The following PGR variants were observed in gnomAD, a reference collection of about 807,000 sequenced individuals.
The protein encoded by PGR is progesterone receptor, also known as nuclear receptor subfamily 3 group C member 3.
In PGR, 25 loss-of-function variants were observed where a neutral mutation model predicts 76.1. That is an observed-to-expected ratio of 0.33 (90% CI 0.24 to 0.46). The LOEUF is 0.46. PGR is among the 20% of genes least tolerant of loss of function. The pLI is 1.00. For missense variants in PGR, 1,172 were observed against 1,225.3 expected, an observed-to-expected ratio of 0.96 and a Z score of 0.65; for synonymous variants, 579 against 535.0, an observed-to-expected ratio of 1.08 and a Z score of -1.14.
chr11:101,043,009 G>A (rs1859744763), intron 6 of PGR, among the ~76,000 whole-genome samples: 1 of 152,074 alleles, frequency 6.6e-6, no homozygotes, highest in African/African-American at 2.4e-5. Flanking sequence ...TGAAGGTTGG[G>A]GTGGCTATGA....
chr11:101,116,408 A>G (rs1862509118), intron 2 of PGR, among the ~76,000 whole-genome samples: 1 of 152,200 alleles, frequency 6.6e-6, no homozygotes, highest in African/African-American at 2.4e-5. Flanking sequence ...TCAGGCACCA[A>G]GTTGGTGTGT....
At chr11:101,079,309 C>A (rs1227756797) in intron 3 of PGR, among the ~76,000 whole-genome samples, 1 of 151,382 alleles carries the variant, frequency 6.6e-6, no homozygotes, top group Non-Finnish European at 1.5e-5. Flanking sequence ...TTCCGCACAG[C>A]AAAGGAAATA....
At chr11:101,092,407 TA>T (rs988341155) in intron 2 of PGR, among the ~76,000 whole-genome samples, 1 of 152,226 alleles carries the variant, frequency 6.6e-6, no homozygotes, top group East Asian at 1.9e-4. Context: ...GAAGAGCATG[TA>T]AAAAAGATCA....
rs776682263 is a variant in PGR at position 101,127,662 on chromosome 11, G to A, written c.1409C>T (p.Pro470Leu). 21 of 1,531,778 alleles carry A rather than the reference G, an allele frequency of 1.4e-5. No individual in the cohort carries two copies. Among genetic ancestry groups the A allele is most frequent in the Non-Finnish European group, 1.6e-5 (18 of 1,147,112 alleles). The allele number at this position is 1,531,778 out of a possible 1,614,324, so 94.9% of individuals were successfully genotyped here. A position where few individuals can be genotyped will look rare whatever the true frequency, so the allele number is the denominator to read the frequency against. Residue 470 changes from proline to leucine, a missense_variant, in exon 1 of 8, where the codon CCC becomes CTC. Pro to Leu is a moderately conservative substitution (Grantham distance 98, BLOSUM62 -3). Transcript: ENST00000325455. ...CGGCGGCGCGAACGGGCCCTGCTGG[G>A]GCGGCGCGCCCTCCGCTTTGTACAG... ...CILYKAEGAP[P>L]QQGPFAPPPC... is the part of the protein sequence containing the mutation.
chr11:101,095,516 T>G lies in PGR; in HGVS notation c.1790-3640A>C, dbSNP rs11571174. Among the ~76,000 whole-genome samples the G allele has an allele frequency of 9.6e-4, 147 of 152,364 alleles. 2 individuals are homozygous for G. Among genetic ancestry groups the G allele is most frequent in the African/African-American group, 3.4e-3 (143 of 41,596 alleles). On this transcript the variant is annotated intron_variant, in intron 2 of 7. Transcript: ENST00000325455. ...CTTTGGAGGTATTAATATTCTCATT[T>G]TATACAGAGTTAACTGAGGCATCTA...
At chr11:101,119,026 G>C (rs1425345980) in intron 2 of PGR, among the ~76,000 whole-genome samples, 1 of 152,170 alleles carries the variant, frequency 6.6e-6, no homozygotes, top group Non-Finnish European at 1.5e-5. Context: ...TTCTACCACA[G>C]ATCATCAGGT....
At chr11:101,040,405 T>C (rs528376964) in intron 7 of PGR, among the ~76,000 whole-genome samples, 1 of 152,176 alleles carries the variant, frequency 6.6e-6, no homozygotes, top group Admixed American at 6.6e-5. Flanking sequence ...CCATGTTTTG[T>C]TATAAGACAT....
rs1348448296 is a variant in PGR, at chr11:101,062,798, C to T, written c.1907-46G>A. 1.2e-5 allele frequency: 15 copies of T among 1,287,352 alleles called. No homozygotes were observed. The East Asian group carries it at 3.5e-4, about 30-fold the overall frequency. The allele number at this position is 1,287,352 out of a possible 1,614,324, so 79.7% of individuals were successfully genotyped here. ...AAATTCATGTAAATATATATAAACT[C>T]CATATCCCAGTATAGTATTATTTTT... On this transcript the variant is annotated intron_variant, in intron 3 of 7. Transcript: ENST00000325455.
intron 6 of PGR, 69 bp from the exon 7 acceptor site, chr11:101,042,171 T>C: frequency 6.7e-7 from 1 of 1,499,420 alleles, no homozygotes; most frequent in East Asian, 2.3e-5. Flanking sequence ...ATAACATATA[T>C]TTCTGAGCTA....
At chr11:101,094,278 A>G (rs1565355497) in intron 2 of PGR, among the ~76,000 whole-genome samples, 1 of 152,174 alleles carries the variant, frequency 6.6e-6, no homozygotes, top group African/African-American at 2.4e-5. Flanking sequence ...TTTGACTTGT[A>G]TATTCACTAT....
intron 2 of PGR, among the ~76,000 whole-genome samples, chr11:101,111,626 G>A (rs1862346158): frequency 6.6e-6 from 1 of 152,144 alleles, no homozygotes; most frequent in African/African-American, 2.4e-5. Context: ...GGGGCGAGGT[G>A]CAGAAATCAT....
intron 5 of PGR, chr11:101,050,925 C>A: frequency 4.0e-6 from 1 of 249,270 alleles, no homozygotes; most frequent in East Asian, 1.4e-4. Context: ...TCAGCATTTA[C>A]CACTAGAACA....
chr11:101,071,275 A>G (rs1415133340), intron 3 of PGR, among the ~76,000 whole-genome samples: 3 of 152,226 alleles, frequency 2.0e-5, no homozygotes, highest in South Asian at 2.1e-4. Context: ...AAGGAATAGC[A>G]TCAACATCAA....
rs1484122114 is a variant in PGR at position 101,121,990 on chromosome 11, T to TA, written c.1789+4016dup. Among the ~76,000 whole-genome samples, 9 of 151,694 alleles carry TA rather than the reference T, an allele frequency of 5.9e-5. No individual in the cohort carries two copies. In the East Asian group the frequency reaches 1.6e-3, roughly 26 times the overall value. On this transcript the variant is annotated intron_variant, in intron 2 of 7. Coordinates refer to ENST00000325455, the MANE Select transcript of PGR (RefSeq NM_000926.4). ...GACCATGGTGAAACCCCATCTCTAC[T>TA]AAAAAATACAAAAAATTAGCCAGGC...
In PGR at chr11:101,035,100, C is replaced by T; in HGVS notation, c.*4016G>A. ...TAAGAGATGTAGAAATTTCCCACAT[C>T]CAATGGCTATTGAACAGGCATACTT... On this transcript the variant is annotated 3_prime_UTR_variant, in exon 8 of 8. Coordinates refer to ENST00000325455, the MANE Select transcript of PGR (RefSeq NM_000926.4). 4.8e-6 allele frequency: 1 copy of T among 208,884 alleles called. No homozygotes were observed. Among genetic ancestry groups the T allele is most frequent in the Non-Finnish European group, 9.7e-6 (1 of 102,616 alleles). 12.9% of individuals were successfully genotyped at this position (208,884 alleles called of 1,614,324 possible).
chr11:101,083,479 T>C (rs996117886), intron 3 of PGR, among the ~76,000 whole-genome samples: 2 of 152,162 alleles, frequency 1.3e-5, no homozygotes, highest in Non-Finnish European at 1.5e-5. Context: ...ACAGCTTGCA[T>C]TGTGTGCCTG....
chr11:101,037,917 T>G lies in PGR; in HGVS notation c.*1199A>C, dbSNP rs2135374064. 1 of 213,138 alleles carries G rather than the reference T, an allele frequency of 4.7e-6. No homozygotes were observed. The highest frequency in any genetic ancestry group is 9.5e-6 in the Non-Finnish European group (1 of 105,138). The allele number at this position is 213,138 out of a possible 1,614,324, so 13.2% of individuals were successfully genotyped here. ...GAGTCACAATTGTAAAATAACATGC[T>G]ACTGTAACTCAAATGTGCACAAAAT... On this transcript the variant is annotated 3_prime_UTR_variant, in exon 8 of 8. Transcript: ENST00000325455.
At chr11:101,056,171 C>A (rs1381794972) in intron 4 of PGR, among the ~76,000 whole-genome samples, 2 of 151,174 alleles carry the variant, frequency 1.3e-5, no homozygotes, top group Non-Finnish European at 2.9e-5. Context: ...TTGAGATGAC[C>A]AAAATGAAAA....
At chr11:101,124,405 C>T (rs1490039050) in intron 2 of PGR, among the ~76,000 whole-genome samples, 2 of 152,158 alleles carry the variant, frequency 1.3e-5, no homozygotes, top group Non-Finnish European at 2.9e-5. Context: ...CTCTGATTTA[C>T]AAGCGCTGCA....
Sources: allele counts gnomAD v4.1 joint callset (sites outside exome capture counted in the v4.1 genomes callset), GRCh38; gene constraint gnomAD v4.1.1; transcripts MANE v1.5; gene names NCBI Gene and HGNC (gene_info 2026-07-23, HGNC 2026-07-21).